The following TMX3 variants were observed in gnomAD, a reference collection of about 807,000 sequenced individuals.
TMX3 encodes protein disulfide-isomerase TMX3.
A neutral mutation model predicts 64.4 loss-of-function variants in TMX3; 40 were observed. The ratio of observed to expected loss-of-function variants is 0.62; its 90% CI spans 0.48 to 0.81. The LOEUF is 0.81. Among genes scored for constraint, TMX3 ranks in the 30% least tolerant of loss-of-function variants. TMX3 has a pLI of 0.00. For synonymous variants in TMX3, 189 were observed against 175.7 expected (o/e 1.08, Z -0.60); for missense variants, 497 against 534.5 (o/e 0.93, Z 0.69).
At chr18:68,697,830 G>A (rs1915248257) in intron 7 of TMX3, 102 bp downstream of exon 7, 1 of 653,522 alleles carries the variant, frequency 1.5e-6, no homozygotes, top group Non-Finnish European at 2.6e-6. Context: ...AATATTTCCA[G>A]TAAGTGCAGA....
chr18:68,712,032 T>C (rs1023486610), intron 2 of TMX3, among the ~76,000 whole-genome samples: 2 of 152,144 alleles, frequency 1.3e-5, no homozygotes, highest in African/African-American at 2.4e-5. Context: ...GACGAGCCCA[T>C]TGTTTCACCC....
chr18:68,713,413 C>T (rs554508905), intron 2 of TMX3, among the ~76,000 whole-genome samples: 2 of 152,258 alleles, frequency 1.3e-5, no homozygotes, highest in South Asian at 4.1e-4. Context: ...AGGGCACCTT[C>T]CCCTATGCCA....
At chr18:68,697,186 A>G (rs570198501) in intron 8 of TMX3, 40 bp downstream of exon 8, 5 of 1,028,268 alleles carry the variant, frequency 4.9e-6, no homozygotes, top group Non-Finnish European at 7.2e-6. Context: ...ATAATTTAAT[A>G]AATAAAATTG....
intron 13 of TMX3, 168 bp from the exon 14 acceptor site, chr18:68,681,278 G>T: frequency 3.2e-6 from 2 of 618,046 alleles, no homozygotes; most frequent in Non-Finnish European, 4.7e-6. Context: ...TGTATTTTAT[G>T]CATTCATGAC....
At chr18:68,707,665 T>C (rs1417521755) in intron 4 of TMX3, among the ~76,000 whole-genome samples, 1 of 152,214 alleles carries the variant, frequency 6.6e-6, no homozygotes, top group African/African-American at 2.4e-5. Context: ...ATGACTCCAC[T>C]GACCTATTCA....
At chr18:68,711,853 G>T (rs77071790) in intron 2 of TMX3, among the ~76,000 whole-genome samples, 5,655 of 152,184 alleles carry the variant, frequency 0.037, 241 homozygotes, top group African/African-American at 0.1. Flanking sequence ...CATAAAATGC[G>T]CGTGAGAAAT....
At chr18:68,696,863 A>G (rs1325479307) in intron 8 of TMX3, 1 of 169,410 alleles carries the variant, frequency 5.9e-6, no homozygotes, top group Non-Finnish European at 1.2e-5. Context: ...GGACCCAAAA[A>G]AGACTGTATC....
chr18:68,696,920 A>C lies in TMX3; in HGVS notation c.570+306T>G, dbSNP rs543688389. 65 of 250,414 alleles carry C rather than the reference A, an allele frequency of 2.6e-4. 1 individual carries two copies. The highest frequency in any genetic ancestry group is 4.7e-4 in the South Asian group (9 of 19,278). The allele number at this position is 250,414 out of a possible 1,614,324, so 15.5% of individuals were successfully genotyped here. ...CACACATACGCACGCAAAATAATCC[A>C]CCACTTGTAAGCCAATTTAGGAGTT... On this transcript the variant is annotated intron_variant, in intron 8 of 15. Coordinates refer to ENST00000299608, the MANE Select transcript of TMX3 (RefSeq NM_019022.5).
At chr18:68,704,057 A>C (rs746087690) in intron 4 of TMX3, among the ~76,000 whole-genome samples, 9 of 152,166 alleles carry the variant, frequency 5.9e-5, no homozygotes, top group Admixed American at 1.3e-4. Flanking sequence ...GTTTTTGTTT[A>C]CTTCTCTGAT....
chr18:68,684,144 G>T, intron 12 of TMX3, 46 bp downstream of exon 12: 1 of 1,387,970 alleles, frequency 7.2e-7, no homozygotes, highest in Non-Finnish European at 1.0e-6. Context: ...ATTACAAAAT[G>T]GTATTAAACA....
chr18:68,698,860 C>CA (rs879509424), intron 6 of TMX3, among the ~76,000 whole-genome samples: 121 of 122,868 alleles, frequency 9.8e-4, no homozygotes, highest in South Asian at 2.2e-3. Context: ...ACTAAAAATA[C>CA]AAAAAAAAAA....
chr18:68,693,010 T>C (rs1235373830), intron 8 of TMX3, among the ~76,000 whole-genome samples: 1 of 152,190 alleles, frequency 6.6e-6, no homozygotes, highest in Non-Finnish European at 1.5e-5. Context: ...GGGCTTAGCA[T>C]AAATTCTCAT....
At chr18:68,682,832 A>G (rs965170017) in intron 13 of TMX3, 93 bp downstream of exon 13, 11 of 1,057,844 alleles carry the variant, frequency 1.0e-5, no homozygotes, top group East Asian at 2.6e-5. Context: ...ACTGTTTGCT[A>G]TTTTTCAGCT....
At chr18:68,701,847 T>C (rs2030114375) in intron 4 of TMX3, 57 bp from the exon 5 acceptor site, 1 of 1,411,866 alleles carries the variant, frequency 7.1e-7, no homozygotes, top group Non-Finnish European at 9.9e-7. Flanking sequence ...AGAAACTAGG[T>C]AACAAATGAG....
chr18:68,713,003 TAAAAAA>T (rs34191235), intron 2 of TMX3, among the ~76,000 whole-genome samples: 2 of 122,294 alleles, frequency 1.6e-5, no homozygotes, highest in East Asian at 4.7e-4. Context: ...TCAAGAGGTT[TAAAAAA>T]AAAAAAAAAA....
intron 5 of TMX3, 106 bp downstream of exon 5, chr18:68,701,638 AC>A (rs2030078679): frequency 1.3e-6 from 2 of 1,558,230 alleles, no homozygotes; most frequent in East Asian, 2.4e-5. Flanking sequence ...GAATGGCCAA[AC>A]CCCAATCTTC....
intron 3 of TMX3, among the ~76,000 whole-genome samples, chr18:68,710,903 TATC>T (rs1284435836): frequency 1.3e-5 from 2 of 152,204 alleles, no homozygotes; most frequent in African/African-American, 2.4e-5. Context: ...AAATCTCAAC[TATC>T]ATAAGGTTTA....
At chr18:68,687,619 A>G in intron 10 of TMX3, 48 bp downstream of exon 10, 2 of 1,553,596 alleles carry the variant, frequency 1.3e-6, no homozygotes, top group Non-Finnish European at 1.7e-6. Flanking sequence ...TTAAATAATC[A>G]AAGAAAAATC....
chr18:68,698,048 CAA>C lies in TMX3; in HGVS notation c.393-19_393-18del, dbSNP rs1268141020. ...ATTAGAGCCCTGTTGCACAACAAAA[CAA>C]AAAACAAACTTGAATTATAAACTAA... On this transcript the variant is annotated intron_variant, in intron 6 of 15. Coordinates refer to ENST00000299608, the MANE Select transcript of TMX3 (RefSeq NM_019022.5). 6.4e-7 allele frequency: 1 copy of C among 1,555,152 alleles called. No homozygotes were observed. The highest frequency in any genetic ancestry group is 8.8e-7 in the Non-Finnish European group (1 of 1,136,040).
Sources: gnomAD v4.1 joint callset for allele counts (sites outside exome capture counted in the v4.1 genomes callset) on GRCh38, gnomAD v4.1.1 for gene constraint, MANE v1.5 for transcripts, NCBI Gene and HGNC (gene_info 2026-07-23, HGNC 2026-07-21) for gene names.